The following SPECC1 variants were observed in gnomAD, a reference collection of about 807,000 sequenced individuals.
SPECC1 encodes the protein sperm antigen with calponin homology and coiled-coil domains 1.
A neutral mutation model predicts 104.1 loss-of-function variants in SPECC1; 62 were observed. That is an observed-to-expected ratio of 0.60 (90% CI 0.49 to 0.74). The LOEUF (loss-of-function observed/expected upper bound fraction) is 0.74, where lower values mean the gene tolerates loss of function less well. Ranked by LOEUF, SPECC1 falls within the 30% of genes least tolerant of loss-of-function variation. The probability of loss-of-function intolerance (pLI) is 0.00; values close to 1 mark genes in which losing one functional copy is unlikely to be tolerated. For synonymous variants in SPECC1, 513 were observed against 501.6 expected (o/e 1.02, Z -0.30); for missense variants, 1,306 against 1,310.5 (o/e 1.00, Z 0.05).
intron 7 of SPECC1, among the ~76,000 whole-genome samples, chr17:20,234,723 G>A (rs537339586): frequency 6.6e-6 from 1 of 152,336 alleles, no homozygotes; most frequent in South Asian, 2.1e-4. Flanking sequence ...ATCCAGACAT[G>A]AGATTACCTG....
At chr17:20,198,231 C>T (rs543391545) in intron 3 of SPECC1, among the ~76,000 whole-genome samples, 3 of 152,332 alleles carry the variant, frequency 2.0e-5, no homozygotes, top group Non-Finnish European at 4.4e-5. Context: ...TGGGCCCCGT[C>T]ATCTTTAATC....
chr17:20,307,075 T>C (rs1290794089), intron 14 of SPECC1, among the ~76,000 whole-genome samples: 1 of 152,142 alleles, frequency 6.6e-6, no homozygotes, highest in Non-Finnish European at 1.5e-5. Flanking sequence ...CAATATGTGT[T>C]GCCAAACTCA....
chr17:20,035,916 C>T (rs9893185), intron 1 of SPECC1, among the ~76,000 whole-genome samples: 10,495 of 152,082 alleles, frequency 0.069, 993 homozygotes, highest in African/African-American at 0.21. Context: ...CCTCTGCCTC[C>T]GGGTTCAAGT....
chr17:20,075,923 G>A (rs1281301559), intron 1 of SPECC1, among the ~76,000 whole-genome samples: 1 of 151,768 alleles, frequency 6.6e-6, no homozygotes, highest in Admixed American at 6.6e-5. Flanking sequence ...TTTCACCTTG[G>A]GCAACATAGC....
chr17:20,146,972 A>G (rs79237334), intron 3 of SPECC1, among the ~76,000 whole-genome samples: 10 of 151,736 alleles, frequency 6.6e-5, no homozygotes, highest in African/African-American at 2.4e-4. Flanking sequence ...TTGCATTTCC[A>G]CCAGCAATGA....
chr17:20,215,315 T>A (rs2037418157), intron 4 of SPECC1, among the ~76,000 whole-genome samples: 1 of 152,262 alleles, frequency 6.6e-6, no homozygotes, highest in African/African-American at 2.4e-5. Flanking sequence ...GACCATTCTC[T>A]GCCCTGGTAG....
intron 12 of SPECC1, among the ~76,000 whole-genome samples, chr17:20,276,518 G>A (rs1316895583): frequency 6.6e-6 from 1 of 152,190 alleles, no homozygotes; most frequent in Non-Finnish European, 1.5e-5. Context: ...TAACAGGGCA[G>A]CTTAGCCTGT....
chr17:20,074,901 C>T (rs543366748), intron 1 of SPECC1, among the ~76,000 whole-genome samples: 39 of 152,128 alleles, frequency 2.6e-4, no homozygotes, highest in African/African-American at 8.9e-4. Context: ...TTTATTTTTC[C>T]AATATGTTAT....
intron 12 of SPECC1, among the ~76,000 whole-genome samples, chr17:20,266,833 C>T (rs961864533): frequency 6.6e-6 from 1 of 152,200 alleles, no homozygotes; most frequent in Non-Finnish European, 1.5e-5. Context: ...TGAGCACTTG[C>T]TCCCCTCTCT....
At chr17:20,233,244 A>G (rs75434670) in intron 7 of SPECC1, among the ~76,000 whole-genome samples, 5,839 of 152,276 alleles carry the variant, frequency 0.038, 365 homozygotes, top group African/African-American at 0.13. Context: ...TTTAGATCAA[A>G]TTTCCTGGGT....
chr17:20,098,329 C>T (rs2152507418), intron 2 of SPECC1, among the ~76,000 whole-genome samples: 1 of 152,336 alleles, frequency 6.6e-6, no homozygotes, highest in African/African-American at 2.4e-5. Context: ...AATGCCATCA[C>T]TTCTACCTTA....
chr17:20,267,839 C>T (rs2040269213), intron 12 of SPECC1, among the ~76,000 whole-genome samples: 2 of 152,250 alleles, frequency 1.3e-5, no homozygotes, highest in South Asian at 4.2e-4. Context: ...TCCTGATGCC[C>T]TCAGACCTCA....
Position 20,090,000 on chromosome 17 carries a change from G to A in SPECC1, c.-21-6631G>A, listed in dbSNP as rs2047335018. On this transcript the variant is annotated intron_variant, in intron 1 of 14. Transcript: ENST00000395527. Reference sequence around the variant, plus strand: ...TGAGGCTGGCTGTACACAGGCAGATGCCAGGAGGCTGCCCCTGGGAAGGGC... The same window carrying A: ...TGAGGCTGGCTGTACACAGGCAGATACCAGGAGGCTGCCCCTGGGAAGGGC... 2.6e-5 allele frequency among the ~76,000 whole-genome samples: 4 copies of A among 152,356 alleles called. No homozygotes were observed. The South Asian group carries it at 8.3e-4, about 32-fold the overall frequency.
At chr17:20,020,666 G>T (rs983658271) in intron 1 of SPECC1, among the ~76,000 whole-genome samples, 2 of 152,164 alleles carry the variant, frequency 1.3e-5, no homozygotes, top group African/African-American at 2.4e-5. Context: ...CAGGTGTGAG[G>T]AATTGAATTA....
At chr17:20,260,347 G>C (rs1598100427) in intron 12 of SPECC1, 53 bp downstream of exon 12, 2 of 1,486,430 alleles carry the variant, frequency 1.3e-6, no homozygotes, top group East Asian at 4.6e-5. Flanking sequence ...TAGTAGTCCT[G>C]TGCCAATACA....
chr17:20,027,017 T>C (rs889772681), intron 1 of SPECC1, among the ~76,000 whole-genome samples: 1 of 152,184 alleles, frequency 6.6e-6, no homozygotes, highest in Non-Finnish European at 1.5e-5. Flanking sequence ...GGTCTTGATT[T>C]TTATTTCTCT....
At chr17:20,231,957 AAATTCT>A in intron 6 of SPECC1, 126 bp downstream of exon 6, 1 of 1,053,864 alleles carries the variant, frequency 9.5e-7, no homozygotes, top group South Asian at 1.4e-5. Context: ...CTGGAACTGT[AAATTCT>A]TGTTGGCAGG....
At chr17:20,113,987 G>A (rs1238851447) in intron 3 of SPECC1, among the ~76,000 whole-genome samples, 1 of 152,150 alleles carries the variant, frequency 6.6e-6, no homozygotes, top group Non-Finnish European at 1.5e-5. Context: ...AATGAATATG[G>A]TAGAGTTGCC....
chr17:20,156,108 C>G, intron 3 of SPECC1: 1 of 1,362,680 alleles, frequency 7.3e-7, no homozygotes, highest in Non-Finnish European at 9.5e-7. Context: ...CGGACGCAAC[C>G]GCCTCGCCAG....
Sources: allele counts gnomAD v4.1 joint callset (sites outside exome capture counted in the v4.1 genomes callset), GRCh38; gene constraint gnomAD v4.1.1; transcripts MANE v1.5; gene names NCBI Gene and HGNC (gene_info 2026-07-23, HGNC 2026-07-21).